The following UNC5D variants were observed in gnomAD, a reference collection of about 807,000 sequenced individuals.
UNC5D encodes the protein netrin receptor UNC5D.
A neutral mutation model predicts 105.4 loss-of-function variants in UNC5D; 39 were observed. The ratio of observed to expected loss-of-function variants is 0.37; its 90% confidence interval spans 0.29 to 0.48. The LOEUF is 0.48. UNC5D is among the 20% of genes least tolerant of loss of function. The pLI, the probability that UNC5D is intolerant of heterozygous loss-of-function variation, is 0.98. For missense variants in UNC5D, 991 were observed against 1,202.4 expected (o/e 0.82, Z 2.60); for synonymous variants, 452 against 450.4 (o/e 1.00, Z -0.04).
intron 1 of UNC5D, among the ~76,000 whole-genome samples, chr8:35,238,579 T>G (rs989448523): frequency 1.3e-5 from 2 of 152,164 alleles, no homozygotes; most frequent in Non-Finnish European, 2.9e-5. Context: ...GTTGTCATAC[T>G]GATTTGTTTT....
chr8:35,447,461 C>T (rs1301937461), intron 1 of UNC5D, among the ~76,000 whole-genome samples: 2 of 152,072 alleles, frequency 1.3e-5, no homozygotes, highest in Non-Finnish European at 2.9e-5. Context: ...AGAGAGTCCA[C>T]AGTTGAAACT....
chr8:35,345,228 A>G (rs1199822057), intron 1 of UNC5D, among the ~76,000 whole-genome samples: 1 of 152,034 alleles, frequency 6.6e-6, no homozygotes, highest in Non-Finnish European at 1.5e-5. Flanking sequence ...TAAAGCCTAC[A>G]TTTATTCCTG....
rs1007263014 is a variant in UNC5D, at chr8:35,311,453, CT to C, written c.103+75575del. Among the ~76,000 whole-genome samples the C allele has an allele frequency of 1.6e-4, 24 of 151,150 alleles. 1 individual carries two copies. The highest frequency in any genetic ancestry group is 1.2e-3 in the Admixed American group (18 of 15,142). On this transcript the variant is annotated intron_variant, in intron 1 of 16. Coordinates refer to ENST00000404895, the MANE Select transcript of UNC5D (RefSeq NM_080872.4). The stretch of plus-strand genomic sequence containing the variant: ...GGGTAAGCAAATTAACCTCAGAAAA[CT>C]TTTTTTTTGCTTATCTCTAAAATAG...
intron 1 of UNC5D, among the ~76,000 whole-genome samples, chr8:35,424,801 T>G (rs1394260840): frequency 1.3e-5 from 2 of 152,226 alleles, no homozygotes; most frequent in Non-Finnish European, 2.9e-5. Context: ...TTCAAGCTGC[T>G]CTGCTCTTCA....
At position 35,376,471 on chromosome 8, in the gene UNC5D, C is replaced by A. The variant is rs369833917; in HGVS notation, c.103+140584C>A. On this transcript the variant is annotated intron_variant, in intron 1 of 16. Coordinates refer to ENST00000404895, the MANE Select transcript of UNC5D (RefSeq NM_080872.4). ...AACAGTGTAAATTGGGGGTGCCTAG[C>A]TTGGTTGGAAAGAACACTGGGCTAA... Among the ~76,000 whole-genome samples, 3 of 152,174 alleles carry A rather than the reference C, an allele frequency of 2.0e-5. 1 individual carries two copies. Among genetic ancestry groups the A allele is most frequent in the African/African-American group, 7.2e-5 (3 of 41,504 alleles).
chr8:35,305,621 C>A (rs1306164844), intron 1 of UNC5D, among the ~76,000 whole-genome samples: 1 of 82,400 alleles, frequency 1.2e-5, no homozygotes, highest in African/African-American at 5.6e-5. Context: ...TTCTTTCTTT[C>A]TTTTTCTTTC....
At chr8:35,590,884 G>T (rs1410835131) in intron 3 of UNC5D, among the ~76,000 whole-genome samples, 2 of 152,022 alleles carry the variant, frequency 1.3e-5, no homozygotes, top group African/African-American at 4.8e-5. Context: ...TGAGATCTAT[G>T]ATCCAGCAAT....
intron 1 of UNC5D, among the ~76,000 whole-genome samples, chr8:35,385,570 AT>A (rs1803336800): frequency 6.9e-6 from 1 of 145,212 alleles, no homozygotes; most frequent in Non-Finnish European, 1.5e-5. Context: ...GACTCACGCC[AT>A]TCTCTTGCCT....
At chr8:35,537,957 T>C (rs1586080094) in intron 1 of UNC5D, among the ~76,000 whole-genome samples, 3 of 152,048 alleles carry the variant, frequency 2.0e-5, no homozygotes, top group Admixed American at 6.6e-5. Flanking sequence ...TAATGAAGGG[T>C]CTCACATCCT....
chr8:35,621,698 T>C (rs1389864971), intron 4 of UNC5D, among the ~76,000 whole-genome samples: 1 of 152,094 alleles, frequency 6.6e-6, no homozygotes, highest in Non-Finnish European at 1.5e-5. Flanking sequence ...ATTCACACCA[T>C]AGATGAATAC....
At chr8:35,753,533 G>A (rs751573839) in intron 13 of UNC5D, among the ~76,000 whole-genome samples, 5 of 152,140 alleles carry the variant, frequency 3.3e-5, no homozygotes, top group African/African-American at 1.2e-4. Flanking sequence ...GATTACAGGC[G>A]TGAGCCACCA....
chr8:35,251,023 A>T (rs76319080), intron 1 of UNC5D, among the ~76,000 whole-genome samples: 6,728 of 152,248 alleles, frequency 0.044, 170 homozygotes, highest in African/African-American at 0.059. Flanking sequence ...TTTCTTGAGA[A>T]TTCAAGAAGT....
intron 1 of UNC5D, among the ~76,000 whole-genome samples, chr8:35,335,659 A>G (rs1399421249): frequency 1.3e-5 from 2 of 151,404 alleles, no homozygotes; most frequent in African/African-American, 4.8e-5. Flanking sequence ...TTAAAGATAT[A>G]TTTACTTGTA....
chr8:35,492,294 T>G (rs1224850461), intron 1 of UNC5D, among the ~76,000 whole-genome samples: 4 of 152,158 alleles, frequency 2.6e-5, no homozygotes, highest in Non-Finnish European at 5.9e-5. Flanking sequence ...ATCTGTTTTC[T>G]TTTTATTTTA....
intron 1 of UNC5D, among the ~76,000 whole-genome samples, chr8:35,476,809 G>T (rs1810135806): frequency 6.6e-6 from 1 of 152,146 alleles, no homozygotes; most frequent in Admixed American, 6.5e-5. Context: ...ATAAATGAAG[G>T]ATTTTGCATA....
In UNC5D at chr8:35,530,362, A is replaced by C. The variant is rs1280063261; in HGVS notation, c.104-18930A>C. Among the ~76,000 whole-genome samples, 27 of 82,948 alleles carry C rather than the reference A, an allele frequency of 3.3e-4. No individual in the cohort carries two copies. In the East Asian group the frequency reaches 8.7e-3, roughly 27 times the overall value. 54.4% of individuals were successfully genotyped at this position (82,948 alleles called of 152,430 possible). ...CTGGATTACATTTATTGATTTGCGT[A>C]TATTGAACCAGCCTTGCATCCCAGG... On this transcript the variant is annotated intron_variant, in intron 1 of 16. Transcript: ENST00000404895.
chr8:35,683,726 C>T lies in UNC5D; in HGVS notation c.750C>T (p.Tyr250=), dbSNP rs141886860. The T allele has an allele frequency of 9.3e-5, 141 of 1,509,152 alleles. No individual in the cohort carries two copies. Among genetic ancestry groups the T allele is most frequent in the African/African-American group, 1.6e-4 (11 of 69,662 alleles). The allele number at this position is 1,509,152 out of a possible 1,614,324, so 93.5% of individuals were successfully genotyped here. A position where few individuals can be genotyped will look rare whatever the true frequency, so the allele number is the denominator to read the frequency against. ...GCCTGTCGGCCACTGTTGTGGTCTA[C>T]GGTAAGACCATTCCAAAGGCCAGGA... ...RRSLSATVVV[Y]VNGGWSSWTE... is the part of the protein sequence containing the mutation. The change falls in exon 5 of 17, where the codon TAC becomes TAT. Residue 250 remains tyrosine, a splice_region_variant and synonymous_variant. Transcript: ENST00000404895.
chr8:35,236,018 A>G, intron 1 of UNC5D, 131 bp downstream of exon 1: 5 of 806,890 alleles, frequency 6.2e-6, no homozygotes, highest in Non-Finnish European at 8.3e-6. Context: ...GCCCAACCGG[A>G]TGGGAGCCGA....
At chr8:35,430,881 G>C (rs1168651265) in intron 1 of UNC5D, among the ~76,000 whole-genome samples, 2 of 152,164 alleles carry the variant, frequency 1.3e-5, no homozygotes, top group Non-Finnish European at 2.9e-5. Context: ...AAGCACCTTG[G>C]TGACAAATAC....
Sources: gnomAD v4.1 joint callset for allele counts (sites outside exome capture counted in the v4.1 genomes callset) on GRCh38, gnomAD v4.1.1 for gene constraint, MANE v1.5 for transcripts, NCBI Gene and HGNC (gene_info 2026-07-23, HGNC 2026-07-21) for gene names.